PARD3B: variants seen among roughly 807,000 people sequenced by gnomAD.
PARD3B encodes par-3 family cell polarity regulator beta.
A neutral mutation model predicts 130.2 loss-of-function variants in PARD3B; 103 were observed. The observed-to-expected ratio is 0.79, with a 90% CI of 0.67 to 0.93. The LOEUF (loss-of-function observed/expected upper bound fraction) is 0.93, where lower values mean the gene tolerates loss of function less well. PARD3B is among the 40% of genes least tolerant of loss of function. The pLI is 0.00. For missense variants in PARD3B, 1,609 were observed against 1,499.2 expected, an observed-to-expected ratio of 1.07 and a Z score of -1.21; for synonymous variants, 583 against 553.2, an observed-to-expected ratio of 1.05 and a Z score of -0.76.
intron 16 of PARD3B, among the ~76,000 whole-genome samples, chr2:205,283,079 G>T (rs1459738528): frequency 6.6e-6 from 1 of 152,184 alleles, no homozygotes; most frequent in Non-Finnish European, 1.5e-5. Context: ...GAGTAAGAAA[G>T]TGTATAAACT....
At chr2:204,951,211 T>C (rs1455534599) in intron 2 of PARD3B, among the ~76,000 whole-genome samples, 1 of 152,202 alleles carries the variant, frequency 6.6e-6, no homozygotes, top group Non-Finnish European at 1.5e-5. Context: ...TTAACATTTT[T>C]AGAACAAGGT....
intron 1 of PARD3B, among the ~76,000 whole-genome samples, chr2:204,567,148 G>A (rs941117714): frequency 6.6e-6 from 1 of 152,152 alleles, no homozygotes; most frequent in Non-Finnish European, 1.5e-5. Flanking sequence ...CCAAAGTGCT[G>A]GGATTACAGG....
chr2:205,275,837 C>CAAAAAAAAAAAAAAAAAAAAAAAAAAA, intron 16 of PARD3B, among the ~76,000 whole-genome samples: 1 of 60,652 alleles, frequency 1.6e-5, no homozygotes, highest in Non-Finnish European at 3.1e-5. Flanking sequence ...AACTTTGTCT[C>CAAAAAAAAAAAAAAAAAAAAAAAAAAA]AAAAAAAAAA....
intron 2 of PARD3B, among the ~76,000 whole-genome samples, chr2:204,895,054 A>G (rs2046592649): frequency 8.6e-6 from 1 of 115,882 alleles, no homozygotes; most frequent in Non-Finnish European, 1.7e-5. Flanking sequence ...AGAAAGACCT[A>G]CCAAAAAAAA....
At chr2:205,214,253 G>A (rs2037797453) in intron 15 of PARD3B, among the ~76,000 whole-genome samples, 1 of 151,942 alleles carries the variant, frequency 6.6e-6, no homozygotes, top group Admixed American at 6.6e-5. Flanking sequence ...TCATAAAACT[G>A]TTTGCACAAA....
At chr2:204,991,072 CTT>C (rs201018710) in intron 3 of PARD3B, among the ~76,000 whole-genome samples, 795 of 145,382 alleles carry the variant, frequency 5.5e-3, no homozygotes, top group African/African-American at 0.017. Context: ...AGTTGTCATT[CTT>C]TTTTTTTTTT....
intron 2 of PARD3B, among the ~76,000 whole-genome samples, chr2:204,832,264 A>G (rs1310283593): frequency 6.6e-6 from 1 of 152,024 alleles, no homozygotes; most frequent in Non-Finnish European, 1.5e-5. Flanking sequence ...AAAAAAAGCT[A>G]TCATATTCTG....
intron 2 of PARD3B, among the ~76,000 whole-genome samples, chr2:204,928,733 T>C (rs1429083515): frequency 3.3e-5 from 5 of 152,120 alleles, no homozygotes; most frequent in Non-Finnish European, 5.9e-5. Context: ...TTGGGCATGC[T>C]GATTTAGCAT....
intron 3 of PARD3B, among the ~76,000 whole-genome samples, chr2:205,010,606 A>G (rs1245860066): frequency 6.6e-6 from 1 of 152,190 alleles, no homozygotes; most frequent in African/African-American, 2.4e-5. Flanking sequence ...GTTTGGCTGC[A>G]TATATAATTC....
At chr2:204,757,974 G>A (rs1053600730) in intron 2 of PARD3B, among the ~76,000 whole-genome samples, 2 of 152,122 alleles carry the variant, frequency 1.3e-5, no homozygotes, top group Non-Finnish European at 2.9e-5. Context: ...TTATCTGTGA[G>A]GTAACAAACC....
chr2:204,952,983 C>T (rs904203013), intron 2 of PARD3B, among the ~76,000 whole-genome samples: 5 of 129,680 alleles, frequency 3.9e-5, no homozygotes, highest in Admixed American at 9.1e-5. Flanking sequence ...GGCGACAGTG[C>T]GAGACTCAGT....
At chr2:204,797,327 T>C (rs1310520175) in intron 2 of PARD3B, among the ~76,000 whole-genome samples, 1 of 152,154 alleles carries the variant, frequency 6.6e-6, no homozygotes, top group Admixed American at 6.6e-5. Flanking sequence ...ACTCGAGGTA[T>C]AACATTTTAT....
At chr2:204,884,961 C>A (rs189361631) in intron 2 of PARD3B, among the ~76,000 whole-genome samples, 54 of 152,254 alleles carry the variant, frequency 3.5e-4, no homozygotes, top group African/African-American at 1.2e-3. Context: ...GTCTTTATAA[C>A]AGAATTATTT....
chr2:205,507,106 T>TGTTCAGC (rs2050396389), intron 21 of PARD3B, among the ~76,000 whole-genome samples: 1 of 150,304 alleles, frequency 6.7e-6, no homozygotes, highest in Non-Finnish European at 1.5e-5. Context: ...CTGGAGTGGA[T>TGTTCAGC]GTTCAGCACA....
chr2:205,466,393 C>A (rs1306506669), intron 20 of PARD3B, among the ~76,000 whole-genome samples: 1 of 151,996 alleles, frequency 6.6e-6, no homozygotes, highest in Non-Finnish European at 1.5e-5. Context: ...TTTTTTGGGT[C>A]TTTTTTATAT....
chr2:205,386,116 G>A (rs2045652384), intron 18 of PARD3B, among the ~76,000 whole-genome samples: 1 of 152,088 alleles, frequency 6.6e-6, no homozygotes, highest in Admixed American at 6.6e-5. Context: ...TACAAAGTCT[G>A]GAATCGTGTT....
intron 2 of PARD3B, among the ~76,000 whole-genome samples, chr2:204,805,358 A>T (rs2042729052): frequency 6.6e-6 from 1 of 152,150 alleles, no homozygotes; most frequent in Non-Finnish European, 1.5e-5. Flanking sequence ...CAAAGATTGA[A>T]CCATGAAGAA....
intron 19 of PARD3B, among the ~76,000 whole-genome samples, chr2:205,415,733 T>G (rs1337317949): frequency 6.6e-6 from 1 of 150,790 alleles, no homozygotes; most frequent in African/African-American, 2.5e-5. Context: ...TTCAAAGAAA[T>G]TTTTTTTTAA....
chr2:205,174,739 T>C (rs947951973), intron 12 of PARD3B, among the ~76,000 whole-genome samples: 9 of 152,214 alleles, frequency 5.9e-5, no homozygotes, highest in African/African-American at 1.9e-4. Flanking sequence ...ATCTCAAAAA[T>C]TGAAGAAGCT....
Sources: allele counts gnomAD v4.1 joint callset (sites outside exome capture counted in the v4.1 genomes callset), GRCh38; gene constraint gnomAD v4.1.1; transcripts MANE v1.5; gene names NCBI Gene and HGNC (gene_info 2026-07-23, HGNC 2026-07-21).